The following SRBD1 variants were observed in gnomAD, a reference collection of about 807,000 sequenced individuals.
The protein encoded by SRBD1 is S1 RNA-binding domain-containing protein 1.
In SRBD1, 88 loss-of-function variants were observed where a neutral mutation model predicts 115.3. That is an observed-to-expected ratio of 0.76 (90% confidence interval 0.64 to 0.91). SRBD1 has a LOEUF of 0.91. SRBD1 is among the 40% of genes least tolerant of loss of function. The pLI, the probability that SRBD1 is intolerant of heterozygous loss-of-function variation, is 0.00. For missense variants in SRBD1, 1,385 were observed against 1,177.4 expected (o/e 1.18, Z -2.58); for synonymous variants, 509 against 407.7 (o/e 1.25, Z -2.99).
intron 2 of SRBD1, among the ~76,000 whole-genome samples, chr2:45,604,496 G>A (rs111800444): frequency 2.0e-5 from 3 of 152,064 alleles, no homozygotes; most frequent in African/African-American, 7.3e-5. Flanking sequence ...AAGCCTATTA[G>A]ATCCAGATCC....
chr2:45,498,223 T>C (rs1670520711), intron 14 of SRBD1, among the ~76,000 whole-genome samples: 1 of 152,120 alleles, frequency 6.6e-6, no homozygotes, highest in South Asian at 2.1e-4. Context: ...GAAATATCTA[T>C]TCTGCCCATT....
chr2:45,416,151 T>C (rs1031515776), intron 18 of SRBD1, among the ~76,000 whole-genome samples: 23 of 152,076 alleles, frequency 1.5e-4, no homozygotes, highest in Admixed American at 9.8e-4. Context: ...AGCCCAAACA[T>C]ATAAATAAAT....
chr2:45,470,616 T>A (rs988471460), intron 16 of SRBD1, among the ~76,000 whole-genome samples: 3 of 152,148 alleles, frequency 2.0e-5, no homozygotes, highest in African/African-American at 7.2e-5. Context: ...GTAAATCCAA[T>A]GTATTTAAGT....
intron 19 of SRBD1, among the ~76,000 whole-genome samples, chr2:45,400,315 C>A (rs1667258807): frequency 6.6e-6 from 1 of 152,016 alleles, no homozygotes; most frequent in South Asian, 2.1e-4. Flanking sequence ...GAGTTTCAGG[C>A]TCCAGACTGA....
At chr2:45,545,305 AAAAAAAAAAAC>A (rs1368874246) in intron 14 of SRBD1, among the ~76,000 whole-genome samples, 21 of 122,648 alleles carry the variant, frequency 1.7e-4, no homozygotes, top group African/African-American at 5.2e-4. Flanking sequence ...AAAAAAAAAA[AAAAAAAAAAAC>A]AGATGAACCC....
chr2:45,596,480 T>C (rs1424676106), intron 4 of SRBD1, among the ~76,000 whole-genome samples: 1 of 152,224 alleles, frequency 6.6e-6, no homozygotes, highest in Non-Finnish European at 1.5e-5. Context: ...AGAGAAATGA[T>C]GCAAACTAGA....
At chr2:45,521,135 G>A (rs1162493572) in intron 14 of SRBD1, among the ~76,000 whole-genome samples, 2 of 152,048 alleles carry the variant, frequency 1.3e-5, no homozygotes, top group African/African-American at 4.8e-5. Flanking sequence ...CACCCCTGTC[G>A]CACGTCCTGC....
intron 14 of SRBD1, among the ~76,000 whole-genome samples, chr2:45,543,031 T>A (rs970447868): frequency 6.6e-6 from 1 of 152,194 alleles, no homozygotes; most frequent in African/African-American, 2.4e-5. Flanking sequence ...GTGCCTACCA[T>A]ATGTCAAAAG....
At chr2:45,515,708 G>A (rs984773116) in intron 14 of SRBD1, among the ~76,000 whole-genome samples, 1 of 152,042 alleles carries the variant, frequency 6.6e-6, no homozygotes, top group African/African-American at 2.4e-5. Flanking sequence ...CCTGATTGTT[G>A]TCTTAATAGA....
intron 14 of SRBD1, among the ~76,000 whole-genome samples, chr2:45,493,480 C>G (rs1179182648): frequency 5.3e-5 from 8 of 152,078 alleles, no homozygotes; most frequent in Admixed American, 5.2e-4. Flanking sequence ...ATTATCATTT[C>G]AAGGATTCTC....
At chr2:45,580,409 G>A (rs531955867) in intron 6 of SRBD1, among the ~76,000 whole-genome samples, 65 of 151,398 alleles carry the variant, frequency 4.3e-4, no homozygotes, top group African/African-American at 1.5e-3. Flanking sequence ...GCAGTGGCGC[G>A]ATCTCGGCTC....
intron 4 of SRBD1, among the ~76,000 whole-genome samples, chr2:45,596,990 ACACACACAC>A (rs1673921925): frequency 9.9e-6 from 1 of 101,190 alleles, no homozygotes; most frequent in Non-Finnish European, 2.4e-5. Flanking sequence ...CACAACCCTC[ACACACACAC>A]ACACACACAC....
At chr2:45,466,756 T>G (rs184154072) in intron 16 of SRBD1, among the ~76,000 whole-genome samples, 1 of 152,344 alleles carries the variant, frequency 6.6e-6, no homozygotes, top group East Asian at 1.9e-4. Context: ...GATACTGGCA[T>G]GTCCTAATTT....
chr2:45,573,252 G>C lies in SRBD1; in HGVS notation c.1260C>G (p.Leu420=), dbSNP rs1673076208. 1 of 1,611,694 alleles carries C rather than the reference G, an allele frequency of 6.2e-7. No individual in the cohort carries two copies. The highest frequency in any genetic ancestry group is 8.5e-7 in the Non-Finnish European group (1 of 1,179,086). Residue 420 remains leucine, a synonymous_variant, in exon 9 of 21, where the codon CTC becomes CTG. Transcript: ENST00000263736. ...VNEKDVDKFL[L]YQHFSCNIRN... ...TTATGTTGCAGGAAAAATGCTGGTA[G>C]AGCAGAAACTTATCAACATCTTTCT... is the stretch of plus-strand genomic sequence containing the variant.
At chr2:45,414,766 TATAGTATGTACACACACACATAGTGTGTA>T in intron 18 of SRBD1, among the ~76,000 whole-genome samples, 1 of 125,768 alleles carries the variant, frequency 8.0e-6, no homozygotes, top group African/African-American at 3.2e-5. Context: ...ACAGTGTGTA[TATAGTATGTACACACACACATAGTGTGTA>T]TATAGTATGT....
chr2:45,566,924 T>C (rs1672847591), intron 9 of SRBD1, among the ~76,000 whole-genome samples: 1 of 152,162 alleles, frequency 6.6e-6, no homozygotes, highest in Admixed American at 6.5e-5. Flanking sequence ...TTACTCTTAA[T>C]GAATGGGATT....
At chr2:45,499,898 C>G (rs1006741615) in intron 14 of SRBD1, among the ~76,000 whole-genome samples, 2 of 152,104 alleles carry the variant, frequency 1.3e-5, no homozygotes, top group African/African-American at 4.8e-5. Context: ...GTTATAACAG[C>G]TTTGTAGTAT....
chr2:45,584,422 T>A (rs536467286), intron 5 of SRBD1, among the ~76,000 whole-genome samples: 1 of 152,338 alleles, frequency 6.6e-6, no homozygotes, highest in East Asian at 1.9e-4. Flanking sequence ...TGCCTCTCAA[T>A]GAAGTATAAC....
At chr2:45,463,148 T>C (rs1322107667) in intron 16 of SRBD1, among the ~76,000 whole-genome samples, 1 of 152,070 alleles carries the variant, frequency 6.6e-6, no homozygotes, top group Non-Finnish European at 1.5e-5. Context: ...ATAAGATAGA[T>C]TGGACGGAGA....
Sources: gnomAD v4.1 joint callset for allele counts (sites outside exome capture counted in the v4.1 genomes callset) on GRCh38, gnomAD v4.1.1 for gene constraint, MANE v1.5 for transcripts, NCBI Gene and HGNC (gene_info 2026-07-23, HGNC 2026-07-21) for gene names.